COL19A1: variants seen among roughly 807,000 people sequenced by gnomAD.
COL19A1 encodes the protein collagen alpha-1(XIX) chain.
COL19A1 carries 159 observed loss-of-function variants against 190.2 expected under a neutral mutation model. The ratio of observed to expected loss-of-function variants is 0.84; its 90% CI spans 0.73 to 0.95. The LOEUF (loss-of-function observed/expected upper bound fraction) is 0.95, where lower values mean the gene tolerates loss of function less well. COL19A1 is among the 40% of genes least tolerant of loss of function. The pLI, the probability that COL19A1 is intolerant of heterozygous loss-of-function variation, is 0.00. For missense variants in COL19A1, 1,418 were observed against 1,431.9 expected, an observed-to-expected ratio of 0.99 and a Z score of 0.16; for synonymous variants, 509 against 458.9, an observed-to-expected ratio of 1.11 and a Z score of -1.39.
At chr6:70,156,494 GGAGA>G (rs151040381) in intron 33 of COL19A1, 125 bp downstream of exon 33, 395 of 842,474 alleles carry the variant, frequency 4.7e-4, no homozygotes, top group East Asian at 7.2e-4. Flanking sequence ...GTATGTATAT[GGAGA>G]GAGAGAGAGA....
intron 15 of COL19A1, among the ~76,000 whole-genome samples, chr6:70,079,447 T>C (rs538494425): frequency 6.6e-6 from 1 of 152,128 alleles, no homozygotes. Flanking sequence ...GAGGGGGCAG[T>C]GTGCAAGGGA....
chr6:70,000,562 T>C (rs1330746880), intron 11 of COL19A1, among the ~76,000 whole-genome samples: 2 of 152,204 alleles, frequency 1.3e-5, no homozygotes, highest in African/African-American at 2.4e-5. Context: ...ATTGCCATTC[T>C]GACTGGCATG....
intron 29 of COL19A1, 35 bp from the exon 30 acceptor site, chr6:70,149,957 G>A (rs752552368): frequency 5.0e-5 from 81 of 1,613,576 alleles, no homozygotes; most frequent in Non-Finnish European, 5.9e-5. Context: ...CCTGTGCCAC[G>A]TGCAAAGATT....
intron 9 of COL19A1, 85 bp from the exon 10 acceptor site, chr6:69,959,911 T>A: frequency 8.2e-7 from 1 of 1,219,844 alleles, no homozygotes; most frequent in South Asian, 1.4e-5. Context: ...CCCACAACAC[T>A]AGAGCTATTT....
At chr6:69,917,198 A>T (rs1212028335) in intron 4 of COL19A1, among the ~76,000 whole-genome samples, 1 of 152,204 alleles carries the variant, frequency 6.6e-6, no homozygotes, top group Non-Finnish European at 1.5e-5. Context: ...GAAATTAAGA[A>T]ACTGATGTGT....
intron 10 of COL19A1, among the ~76,000 whole-genome samples, chr6:69,960,623 C>CTTTTTTT (rs35552190): frequency 7.3e-5 from 8 of 109,850 alleles, no homozygotes; most frequent in Non-Finnish European, 1.1e-4. Flanking sequence ...TGTGCCCCCA[C>CTTTTTTT]TTTTTTTTTT....
Position 70,059,093 on chromosome 6 carries a change from A to G in COL19A1, c.1171-9330A>G, listed in dbSNP as rs117152082. Among the ~76,000 whole-genome samples the G allele has an allele frequency of 5.7e-3, 862 of 152,228 alleles. 5 individuals carry two copies. Among genetic ancestry groups the G allele is most frequent in the Non-Finnish European group, 8.4e-3 (569 of 67,942 alleles). On this transcript the variant is annotated intron_variant, in intron 14 of 50. Transcript: ENST00000620364. Reference sequence around the variant, plus strand: ...TTTTCATACATTCTATTTGAAACACAGAAAATCCCCTAGTAGTAGTTTAGA... The same window carrying G: ...TTTTCATACATTCTATTTGAAACACGGAAAATCCCCTAGTAGTAGTTTAGA...
chr6:70,183,973 A>G lies in COL19A1; in HGVS notation c.2776-730A>G, dbSNP rs150554765. Among the ~76,000 whole-genome samples the G allele has an allele frequency of 1.6e-3, 246 of 152,304 alleles. 2 individuals carry two copies. Among genetic ancestry groups the G allele is most frequent in the African/African-American group, 5.4e-3 (224 of 41,564 alleles). ...TTTTCCTTCTTATATCTCCCAGCCA[A>G]TAGTTCTCTCAGTCTTATAAATCTT... On this transcript the variant is annotated intron_variant, in intron 44 of 50. Coordinates refer to ENST00000620364, the MANE Select transcript of COL19A1 (RefSeq NM_001858.6).
Position 69,982,739 on chromosome 6 carries a change from G to A in COL19A1, c.1026+19869G>A, listed in dbSNP as rs912734175. ...TGTAATCCCAGCACTTTGGGAGGCCGAGACGGGCAGATCACGACGTCAGGA... is the reference window on the plus strand; with the variant it reads ...TGTAATCCCAGCACTTTGGGAGGCCAAGACGGGCAGATCACGACGTCAGGA... On this transcript the variant is annotated intron_variant, in intron 11 of 50. Coordinates refer to ENST00000620364, the MANE Select transcript of COL19A1 (RefSeq NM_001858.6). Among the ~76,000 whole-genome samples the A allele has an allele frequency of 3.3e-5, 5 of 150,646 alleles. 1 individual carries two copies. The highest frequency in any genetic ancestry group is 1.2e-4 in the African/African-American group (5 of 41,080).
chr6:69,877,068 T>C (rs1370496014), intron 1 of COL19A1, among the ~76,000 whole-genome samples: 2 of 152,222 alleles, frequency 1.3e-5, no homozygotes, highest in South Asian at 2.1e-4. Context: ...TTAGTTTTTT[T>C]CCAGAGTGTC....
intron 2 of COL19A1, among the ~76,000 whole-genome samples, chr6:69,883,889 T>C (rs1056281125): frequency 1.3e-5 from 2 of 152,152 alleles, no homozygotes; most frequent in Non-Finnish European, 1.5e-5. Flanking sequence ...GGATTTTAGC[T>C]GATCTGAGCT....
At chr6:70,140,126 T>C (rs373599718) in intron 19 of COL19A1, among the ~76,000 whole-genome samples, 1 of 152,014 alleles carries the variant, frequency 6.6e-6, no homozygotes, top group African/African-American at 2.4e-5. Flanking sequence ...GATATGGGTA[T>C]ATAGTTGTCC....
At chr6:69,885,074 G>C (rs1768823716) in intron 2 of COL19A1, among the ~76,000 whole-genome samples, 1 of 152,132 alleles carries the variant, frequency 6.6e-6, no homozygotes, top group Non-Finnish European at 1.5e-5. Context: ...ATGTTGGTCA[G>C]GCTGGTCTCG....
chr6:70,160,948 T>C (rs1015047352), intron 34 of COL19A1, among the ~76,000 whole-genome samples: 1 of 152,194 alleles, frequency 6.6e-6, no homozygotes, highest in Non-Finnish European at 1.5e-5. Flanking sequence ...TTATAAATTG[T>C]ATGTAATTTA....
chr6:69,970,948 G>A (rs116789235), intron 11 of COL19A1, among the ~76,000 whole-genome samples: 2,589 of 152,246 alleles, frequency 0.017, 84 homozygotes, highest in African/African-American at 0.058. Flanking sequence ...ATGGTAGCAG[G>A]CAATTGGGAA....
chr6:70,176,537 A>T lies in COL19A1; in HGVS notation c.2640A>T (p.Ala880=). 6.2e-7 allele frequency: 1 copy of T among 1,613,676 alleles called. No individual in the cohort carries two copies. Among genetic ancestry groups the T allele is most frequent in the Non-Finnish European group, 8.5e-7 (1 of 1,179,778 alleles). ...CCCAACAGGGAGATCGAGGCCCAGC[A>T]GGTCCCCCAGGAATAGCAGGGATGT... ...FPGVKGDRGP[A]GPPGIAGMSG... The change falls in exon 42 of 51, where the codon GCA becomes GCT. Residue 880 remains alanine, a synonymous_variant. Coordinates refer to ENST00000620364, the MANE Select transcript of COL19A1 (RefSeq NM_001858.6).
Position 70,073,417 on chromosome 6 carries a change from G to A in COL19A1, c.1224+4941G>A, listed in dbSNP as rs1781677065. Among the ~76,000 whole-genome samples, 3 of 152,142 alleles carry A rather than the reference G, an allele frequency of 2.0e-5. No individual in the cohort carries two copies. In the South Asian group the frequency reaches 6.2e-4, roughly 31 times the overall value. ...AGATGCTAATAACGCCTACCCCACA[G>A]GGCTGTGATGAGGAGTAATGCCATG... On this transcript the variant is annotated intron_variant, in intron 15 of 50. Transcript: ENST00000620364.
chr6:70,206,945 C>T lies in COL19A1; in HGVS notation c.3268C>T (p.Leu1090=). 1.2e-6 allele frequency: 2 copies of T among 1,613,854 alleles called. No homozygotes were observed. The highest frequency in any genetic ancestry group is 1.7e-6 in the Non-Finnish European group (2 of 1,179,896). ...KGERGEPGIG[L]PGSPGLPGTS... is the part of the protein sequence containing the mutation. ...AGAAAGAGGTGAACCTGGAATTGGG[C>T]TGCCAGGGAGTCCAGGTCTTCCTGG... is the stretch of plus-strand genomic sequence containing the variant. Residue 1090 remains leucine (L), a synonymous_variant, in exon 50 of 51, where the codon CTG becomes TTG. Transcript: ENST00000620364.
At chr6:70,055,276 A>G (rs996723151) in intron 14 of COL19A1, among the ~76,000 whole-genome samples, 2 of 152,152 alleles carry the variant, frequency 1.3e-5, no homozygotes, top group African/African-American at 2.4e-5. Flanking sequence ...GCAAGTAGGT[A>G]TGGATATAAT....
Sources: gnomAD v4.1 joint callset for allele counts (sites outside exome capture counted in the v4.1 genomes callset) on GRCh38, gnomAD v4.1.1 for gene constraint, MANE v1.5 for transcripts, NCBI Gene and HGNC (gene_info 2026-07-23, HGNC 2026-07-21) for gene names.